Variants in ARFGEF1 observed in about 807,000 individuals in gnomAD.
ARFGEF1 encodes the protein ARF guanine nucleotide exchange factor 1.
ARFGEF1 carries 42 observed loss-of-function variants against 231.0 expected under a neutral mutation model. The observed-to-expected ratio is 0.18, with a 90% CI of 0.14 to 0.24. The LOEUF (loss-of-function observed/expected upper bound fraction) is 0.24, where lower values mean the gene tolerates loss of function less well. Ranked by LOEUF, ARFGEF1 falls within the 10% of genes least tolerant of loss-of-function variation. The probability of loss-of-function intolerance (pLI) is 1.00; values close to 1 mark genes in which losing one functional copy is unlikely to be tolerated. For missense variants in ARFGEF1, 1,345 were observed against 2,192.0 expected (o/e 0.61, Z 7.72); for synonymous variants, 710 against 732.3 (o/e 0.97, Z 0.49).
chr8:67,285,432 G>A (rs1805714853), intron 7 of ARFGEF1, among the ~76,000 whole-genome samples: 1 of 152,100 alleles, frequency 6.6e-6, no homozygotes, highest in Non-Finnish European at 1.5e-5. Flanking sequence ...CAGGAGGACT[G>A]CGTGAGCCCA....
chr8:67,315,549 C>G (rs1807272794), intron 1 of ARFGEF1, among the ~76,000 whole-genome samples: 1 of 152,050 alleles, frequency 6.6e-6, no homozygotes, highest in Non-Finnish European at 1.5e-5. Context: ...AGAGTGTGTT[C>G]TTTTTTTCCG....
intron 9 of ARFGEF1, among the ~76,000 whole-genome samples, chr8:67,273,419 CAAAAAAAA>C (rs58580002): frequency 1.1e-4 from 6 of 56,614 alleles, no homozygotes; most frequent in Admixed American, 9.3e-4. Context: ...TTTTTTTTCC[CAAAAAAAA>C]AAAAAAAAAA....
rs137950758 is a variant in ARFGEF1, at chr8:67,323,419, C to A, written c.124+19745G>T. Among the ~76,000 whole-genome samples the A allele has an allele frequency of 4.3e-4, 66 of 152,300 alleles. No individual in the cohort carries two copies. The East Asian group carries it at 0.012, about 28-fold the overall frequency. On this transcript the variant is annotated intron_variant, in intron 1 of 38. Coordinates refer to ENST00000262215, the MANE Select transcript of ARFGEF1 (RefSeq NM_006421.5). ...AAGTTGATCTACAACTCAGATCTCT[C>A]CCCTAGGCTTGTGTCATGTTATAAA...
chr8:67,258,785 C>A (rs1407312817), intron 15 of ARFGEF1, among the ~76,000 whole-genome samples: 1 of 150,114 alleles, frequency 6.7e-6, no homozygotes, highest in Non-Finnish European at 1.5e-5. Context: ...TCAGGATATT[C>A]TTTTCAGTTT....
At chr8:67,205,240 A>G (rs1838470644) in intron 34 of ARFGEF1, among the ~76,000 whole-genome samples, 2 of 152,202 alleles carry the variant, frequency 1.3e-5, no homozygotes, top group African/African-American at 4.8e-5. Context: ...CCTAGTAGGC[A>G]GCTCCCTTTG....
intron 9 of ARFGEF1, among the ~76,000 whole-genome samples, 177 bp downstream of exon 9, chr8:67,275,799 C>T (rs1805289279): frequency 3.3e-5 from 5 of 152,096 alleles, no homozygotes; most frequent in Admixed American, 3.3e-4. Context: ...TCTACTCCAG[C>T]AGTTTTGAAT....
intron 10 of ARFGEF1, among the ~76,000 whole-genome samples, chr8:67,270,790 G>A (rs972369075): frequency 3.3e-5 from 5 of 150,024 alleles, no homozygotes; most frequent in African/African-American, 9.8e-5. Flanking sequence ...TTTGGGAGGC[G>A]GACGCGGACA....
intron 29 of ARFGEF1, 62 bp from the exon 30 acceptor site, chr8:67,219,622 G>GT (rs1839078723): frequency 6.7e-7 from 1 of 1,483,464 alleles, no homozygotes; most frequent in Non-Finnish European, 9.1e-7. Context: ...TCCTAAAATA[G>GT]TTTTTAGAGT....
At chr8:67,217,312 A>T (rs975027817) in intron 32 of ARFGEF1, among the ~76,000 whole-genome samples, 1 of 151,978 alleles carries the variant, frequency 6.6e-6, no homozygotes, top group Admixed American at 6.5e-5. Flanking sequence ...CTCAAAAAAA[A>T]AAAAAAAAAC....
At chr8:67,258,552 C>A (rs140429241) in intron 15 of ARFGEF1, among the ~76,000 whole-genome samples, 4 of 151,894 alleles carry the variant, frequency 2.6e-5, no homozygotes, top group Admixed American at 2.6e-4. Flanking sequence ...GGTCTCCTGA[C>A]CTCAGGTAAT....
intron 1 of ARFGEF1, 71 bp downstream of exon 1, chr8:67,343,093 A>AGGCGCCCCCCCCCCCCCCC: frequency 5.4e-6 from 1 of 184,674 alleles, no homozygotes; most frequent in Non-Finnish European, 1.0e-5. Flanking sequence ...GGGCGACCCC[A>AGGCGCCCCCCCCCCCCCCC]CCCCCCCACA....
intron 22 of ARFGEF1, among the ~76,000 whole-genome samples, chr8:67,236,002 A>T (rs964419011): frequency 6.6e-6 from 1 of 151,952 alleles, no homozygotes; most frequent in Non-Finnish European, 1.5e-5. Flanking sequence ...ACCATTAATA[A>T]AAGAGGATAT....
chr8:67,229,007 T>C (rs1457929398), intron 23 of ARFGEF1, among the ~76,000 whole-genome samples: 3 of 152,044 alleles, frequency 2.0e-5, no homozygotes, highest in Admixed American at 6.6e-5. Context: ...AAAATAGGAT[T>C]TGCATGATAA....
At chr8:67,303,526 C>T (rs932268135) in intron 1 of ARFGEF1, among the ~76,000 whole-genome samples, 3 of 152,032 alleles carry the variant, frequency 2.0e-5, no homozygotes, top group African/African-American at 4.8e-5. Context: ...GTCTGGCCAA[C>T]GTGGTGAAAC....
At chr8:67,239,286 T>G (rs55986624) in intron 20 of ARFGEF1, among the ~76,000 whole-genome samples, 20,685 of 152,054 alleles carry the variant, frequency 0.14, 2,858 homozygotes, top group African/African-American at 0.35. Flanking sequence ...GATTACAGGC[T>G]TGAGCCACCA....
At chr8:67,319,781 A>G (rs1364209429) in intron 1 of ARFGEF1, among the ~76,000 whole-genome samples, 1 of 152,192 alleles carries the variant, frequency 6.6e-6, no homozygotes, top group Non-Finnish European at 1.5e-5. Flanking sequence ...ATATTTGCAA[A>G]TTGTTTATCT....
At chr8:67,252,189 T>C (rs1023432111) in intron 18 of ARFGEF1, among the ~76,000 whole-genome samples, 2 of 150,236 alleles carry the variant, frequency 1.3e-5, no homozygotes, top group African/African-American at 4.9e-5. Context: ...GGAGAATTGC[T>C]TGAACCCAGG....
intron 14 of ARFGEF1, 114 bp from the exon 15 acceptor site, chr8:67,260,040 T>C (rs1840590362): frequency 1.7e-6 from 1 of 593,100 alleles, no homozygotes; most frequent in South Asian, 2.3e-5. Context: ...GCTTATTTAA[T>C]ACACATCAGT....
chr8:67,292,964 A>G (rs1806074918), intron 5 of ARFGEF1, among the ~76,000 whole-genome samples: 1 of 152,176 alleles, frequency 6.6e-6, no homozygotes. Context: ...AATTTATAAA[A>G]TAAGCTTGAA....
Sources: gnomAD v4.1 joint callset for allele counts (sites outside exome capture counted in the v4.1 genomes callset) on GRCh38, gnomAD v4.1.1 for gene constraint, MANE v1.5 for transcripts, NCBI Gene and HGNC (gene_info 2026-07-23, HGNC 2026-07-21) for gene names.